Variants in NAV2 observed in about 807,000 individuals in gnomAD.
NAV2 encodes helicase, APC down-regulated 1.
NAV2 carries 54 observed loss-of-function variants against 223.2 expected under a neutral mutation model. The ratio of observed to expected loss-of-function variants is 0.24; its 90% CI spans 0.19 to 0.30. The LOEUF (loss-of-function observed/expected upper bound fraction) is 0.30, where lower values mean the gene tolerates loss of function less well. NAV2 is among the 10% of genes least tolerant of loss of function. The pLI is 1.00. For synonymous variants in NAV2, 1,279 were observed against 1,239.3 expected (o/e 1.03, Z -0.67); for missense variants, 2,806 against 3,147.5 (o/e 0.89, Z 2.60).
chr11:19,573,560 C>A (rs993032457), intron 1 of NAV2, among the ~76,000 whole-genome samples: 6 of 152,278 alleles, frequency 3.9e-5, no homozygotes, highest in Admixed American at 3.9e-4. Context: ...AGCTGCTACC[C>A]TGTGCCAGCC....
chr11:19,498,319 A>G (rs544947304), intron 1 of NAV2, among the ~76,000 whole-genome samples: 1 of 152,314 alleles, frequency 6.6e-6, no homozygotes, highest in Non-Finnish European at 1.5e-5. Context: ...TTGGTCCCCA[A>G]AAGGGGGAGG....
At chr11:19,974,556 G>A (rs1260589993) in intron 10 of NAV2, among the ~76,000 whole-genome samples, 1 of 152,190 alleles carries the variant, frequency 6.6e-6, no homozygotes, top group Non-Finnish European at 1.5e-5. Context: ...AGGCTGATGT[G>A]GGAAGATGGC....
intron 22 of NAV2, among the ~76,000 whole-genome samples, chr11:20,071,885 G>T (rs10833233): frequency 0.34 from 51,840 of 151,940 alleles, 9,984 homozygotes; most frequent in African/African-American, 0.53. Flanking sequence ...TTTCTTCAAT[G>T]TTGTAGGTTG....
rs537380393 is a variant in NAV2 at position 19,352,151 on chromosome 11, C to T, written c.75+1124C>T. 5.3e-5 allele frequency among the ~76,000 whole-genome samples: 8 copies of T among 152,244 alleles called. No individual in the cohort carries two copies. The South Asian group carries it at 1.5e-3, about 28-fold the overall frequency. Reference sequence around the variant, plus strand: ...GTCGCTATAATTTGGGAAGAATGCCCACTATCTTGGGAACCTAGATAAGTG... The same window carrying T: ...GTCGCTATAATTTGGGAAGAATGCCTACTATCTTGGGAACCTAGATAAGTG... On this transcript the variant is annotated intron_variant, in intron 1 of 37. Coordinates refer to the NAV2 transcript ENST00000360655.
Position 19,485,644 on chromosome 11 carries a change from G to T in NAV2, c.75+134617G>T, listed in dbSNP as rs149697416. 1.6e-4 allele frequency among the ~76,000 whole-genome samples: 25 copies of T among 152,244 alleles called. No individual in the cohort carries two copies. The East Asian group carries it at 4.6e-3, about 28-fold the overall frequency. ...CATTCCCACCCATTAATGCCCATTA[G>T]GTTAAATTTTCTTCCCATGGAAAAG... On this transcript the variant is annotated intron_variant, in intron 1 of 37. Coordinates refer to the NAV2 transcript ENST00000360655.
At chr11:19,350,947 T>C (rs943482021) in exon 1 of NAV2, 1 of 1,551,542 alleles carries the variant, frequency 6.4e-7, no homozygotes, top group Non-Finnish European at 8.7e-7. Flanking sequence ...ATTTTATTTC[T>C]GGGAAATGGA....
At chr11:19,949,998 G>T (rs898855755) in intron 10 of NAV2, among the ~76,000 whole-genome samples, 1 of 152,154 alleles carries the variant, frequency 6.6e-6, no homozygotes, top group Non-Finnish European at 1.5e-5. Context: ...TGTATAGCAC[G>T]AGGCCTGGCT....
At chr11:19,695,461 A>T (rs2049302520) in intron 1 of NAV2, among the ~76,000 whole-genome samples, 1 of 151,420 alleles carries the variant, frequency 6.6e-6, no homozygotes, top group African/African-American at 2.4e-5. Flanking sequence ...CTGTCACATG[A>T]CCTATCCTGA....
chr11:19,612,122 A>C (rs2046663439), intron 1 of NAV2, among the ~76,000 whole-genome samples: 1 of 152,198 alleles, frequency 6.6e-6, no homozygotes, highest in Non-Finnish European at 1.5e-5. Flanking sequence ...CCATGGCCCA[A>C]GCTCTACATT....
At chr11:19,677,834 G>C (rs1441980776) in intron 1 of NAV2, among the ~76,000 whole-genome samples, 1 of 152,192 alleles carries the variant, frequency 6.6e-6, no homozygotes, top group Non-Finnish European at 1.5e-5. Flanking sequence ...CATGCTACAA[G>C]GGCAAGATTG....
At chr11:20,075,072 C>T (rs141343414) in intron 22 of NAV2, among the ~76,000 whole-genome samples, 5 of 152,266 alleles carry the variant, frequency 3.3e-5, no homozygotes, top group Admixed American at 2.6e-4. Flanking sequence ...TTTGAAACAT[C>T]CAGGCCCTGG....
chr11:19,642,910 G>A (rs1198303000), intron 1 of NAV2, among the ~76,000 whole-genome samples: 1 of 152,192 alleles, frequency 6.6e-6, no homozygotes, highest in African/African-American at 2.4e-5. Flanking sequence ...GCTTGCAGCA[G>A]TCAAACCCTT....
chr11:19,539,438 T>C (rs1463413423), intron 1 of NAV2, among the ~76,000 whole-genome samples: 1 of 152,238 alleles, frequency 6.6e-6, no homozygotes, highest in Admixed American at 6.5e-5. Context: ...TTGTGTTTTT[T>C]TCTAATCACA....
rs548577272 is a variant in NAV2 at position 19,720,044 on chromosome 11, A to T, written c.267+6082A>T. ...TGGTTCCTCATTGTTCTGAGGGCAG[A>T]AGGAAAGCCCTTTTTTCTCCCAGCA... On this transcript the variant is annotated intron_variant, in intron 1 of 37. Transcript: ENST00000349880. Among the ~76,000 whole-genome samples, 89 of 152,350 alleles carry T rather than the reference A, an allele frequency of 5.8e-4. No individual in the cohort carries two copies. In the Middle Eastern group the frequency reaches 0.02, roughly 35 times the overall value.
chr11:19,462,373 A>G (rs1216927117), intron 1 of NAV2, among the ~76,000 whole-genome samples: 1 of 152,138 alleles, frequency 6.6e-6, no homozygotes, highest in Admixed American at 6.5e-5. Context: ...TTCCTATCTT[A>G]TAGGTGGGGA....
chr11:19,616,085 A>C (rs2046779972), intron 1 of NAV2, among the ~76,000 whole-genome samples: 1 of 151,992 alleles, frequency 6.6e-6, no homozygotes, highest in Non-Finnish European at 1.5e-5. Context: ...TTTTACAAGC[A>C]GCACACAGTG....
chr11:19,796,635 C>G (rs1221224807), intron 1 of NAV2, among the ~76,000 whole-genome samples: 1 of 152,154 alleles, frequency 6.6e-6, no homozygotes, highest in African/African-American at 2.4e-5. Context: ...TGTGCCCAGT[C>G]GCTAAGCCAC....
At chr11:19,350,856 T>C in exon 1 of NAV2, 11 of 1,217,792 alleles carry the variant, frequency 9.0e-6, no homozygotes, top group Non-Finnish European at 1.2e-5. Context: ...GGGAACTCTG[T>C]CTGGCTGTTG....
At chr11:19,491,804 G>A (rs368513530) in intron 1 of NAV2, among the ~76,000 whole-genome samples, 307 of 152,240 alleles carry the variant, frequency 2.0e-3, no homozygotes, top group African/African-American at 6.9e-3. Flanking sequence ...CTTTCAACAT[G>A]CCTTCCTCAC....
Sources: gnomAD v4.1 joint callset for allele counts (sites outside exome capture counted in the v4.1 genomes callset) on GRCh38, gnomAD v4.1.1 for gene constraint, MANE v1.5 for transcripts, NCBI Gene and HGNC (gene_info 2026-07-23, HGNC 2026-07-21) for gene names.